The following CHCT1 variants were observed in gnomAD, a reference collection of about 807,000 sequenced individuals.
CHCT1 encodes CHD1 helical C-terminal domain containing 1, also known as CHD1 helical C-terminal domain containing protein 1.
the CHCT1 span, chr17:60,426,634 G>A: frequency 4.6e-6 from 7 of 1,528,210 alleles, no homozygotes; most frequent in Non-Finnish European, 6.2e-6. Flanking sequence ...ATATTCCCCT[G>A]GGTGGGTCCT....
chr17:60,429,605 G>C, the CHCT1 span: 8 of 1,578,396 alleles, frequency 5.1e-6, no homozygotes. Context: ...AGGAGTTTGT[G>C]AGTGGTGTCT....
chr17:60,426,073 G>T, the CHCT1 span: 2 of 1,427,038 alleles, frequency 1.4e-6, no homozygotes, highest in East Asian at 5.0e-5. Flanking sequence ...TCAGGGCTGC[G>T]GCCAGACCGG....
chr17:60,421,538 G>C, the CHCT1 span: 1 of 985,478 alleles, frequency 1.0e-6, no homozygotes, highest in Non-Finnish European at 1.2e-6. Context: ...AGGAAGGTCC[G>C]GGAGAAGGAA....
chr17:60,426,923 T>A, the CHCT1 span: 239 of 1,517,570 alleles, frequency 1.6e-4, no homozygotes, highest in Non-Finnish European at 2.1e-4. Flanking sequence ...CTCTGGTCCT[T>A]CCCAGGGCTC....
chr17:60,422,625 G>T, the CHCT1 span: 15 of 1,550,050 alleles, frequency 9.7e-6, no homozygotes, highest in Non-Finnish European at 1.0e-5. Flanking sequence ...GGGGTGAAGG[G>T]GACAAGCCAC....
chr17:60,428,151 T>C, the CHCT1 span, among the ~76,000 whole-genome samples: 2 of 152,172 alleles, frequency 1.3e-5, no homozygotes, highest in East Asian at 3.8e-4. Context: ...CTTCAAGTAA[T>C]ATTCAAAAGT....
the CHCT1 span, among the ~76,000 whole-genome samples, chr17:60,429,803 TG>T: frequency 2.0e-5 from 3 of 152,058 alleles, no homozygotes; most frequent in Admixed American, 6.5e-5. Flanking sequence ...GAAAGGTTTT[TG>T]TTTTTATTAT....
At chr17:60,425,086 C>T in the CHCT1 span, among the ~76,000 whole-genome samples, 5 of 152,160 alleles carry the variant, frequency 3.3e-5, no homozygotes, top group Non-Finnish European at 7.4e-5. Context: ...CATCCCCCGA[C>T]TCTGACCAAT....
At chr17:60,428,650 C>T in the CHCT1 span, among the ~76,000 whole-genome samples, 1 of 151,850 alleles carries the variant, frequency 6.6e-6, no homozygotes, top group African/African-American at 2.4e-5. Flanking sequence ...CCATGCCCAG[C>T]TAACTTTTGT....
chr17:60,425,930 G>A, the CHCT1 span: 1 of 1,482,874 alleles, frequency 6.7e-7, no homozygotes, highest in Non-Finnish European at 9.2e-7. Flanking sequence ...TTCCCCATTG[G>A]TCAGGAGGCC....
At chr17:60,421,658 G>T in the CHCT1 span, 3 of 930,302 alleles carry the variant, frequency 3.2e-6, no homozygotes, top group Non-Finnish European at 3.8e-6. Flanking sequence ...AGGGGGCGCT[G>T]CTGCCGCGCC....
the CHCT1 span, chr17:60,431,366 C>T: frequency 1.2e-6 from 1 of 814,394 alleles, no homozygotes; most frequent in Non-Finnish European, 1.9e-6. Context: ...AAAAGATTCT[C>T]AGGTCTTAAT....
the CHCT1 span, among the ~76,000 whole-genome samples, chr17:60,428,124 C>T: frequency 1.3e-5 from 2 of 152,128 alleles, no homozygotes; most frequent in African/African-American, 2.4e-5. Flanking sequence ...ATTCTATGTG[C>T]CAGGTACTTT....
the CHCT1 span, chr17:60,421,279 G>T: frequency 2.5e-6 from 2 of 809,366 alleles, no homozygotes; most frequent in Non-Finnish European, 3.0e-6. Context: ...ACAACAAGAC[G>T]TTTGCTGAAC....
chr17:60,425,697 G>C, the CHCT1 span: 3 of 983,942 alleles, frequency 3.0e-6, no homozygotes, highest in East Asian at 5.3e-5. Context: ...AAGGGCTTTG[G>C]CTGCCATTTG....
chr17:60,429,378 CG>C, the CHCT1 span: 1 of 1,613,604 alleles, frequency 6.2e-7, no homozygotes, highest in Non-Finnish European at 8.5e-7. Context: ...TTCTGCGCCT[CG>C]GATGCGCCGG....
chr17:60,422,337 C>T, the CHCT1 span: 5 of 866,916 alleles, frequency 5.8e-6, no homozygotes, highest in Non-Finnish European at 8.1e-6. Context: ...AAAGTCTTCG[C>T]TCGACCCCGC....
At chr17:60,426,999 C>A in the CHCT1 span, 1 of 734,708 alleles carries the variant, frequency 1.4e-6, no homozygotes, top group Non-Finnish European at 1.7e-6. Flanking sequence ...GCTGAAGAGG[C>A]CGAGGCTCAG....
the CHCT1 span, chr17:60,431,095 C>T: frequency 1.1e-6 from 1 of 901,280 alleles, no homozygotes; most frequent in Non-Finnish European, 1.7e-6. Flanking sequence ...TCCTCTCTGC[C>T]CCTACAACAC....
Sources: gnomAD v4.1 joint callset for allele counts (sites outside exome capture counted in the v4.1 genomes callset) on GRCh38, gnomAD v4.1.1 for gene constraint, MANE v1.5 for transcripts, NCBI Gene and HGNC (gene_info 2026-07-23, HGNC 2026-07-21) for gene names.